Variants in NKAIN2 observed in about 807,000 individuals in gnomAD.
The protein encoded by NKAIN2 is sodium/potassium transporting ATPase interacting 2.
In NKAIN2, 14 loss-of-function variants were observed where a neutral mutation model predicts 32.6. That is an observed-to-expected ratio of 0.43 (90% CI 0.28 to 0.67). The LOEUF is 0.67. Ranked by LOEUF, NKAIN2 falls within the 30% of genes least tolerant of loss-of-function variation. The pLI is 0.17. For synonymous variants in NKAIN2, 80 were observed against 87.2 expected (o/e 0.92, Z 0.46); for missense variants, 198 against 258.3 (o/e 0.77, Z 1.60).
At chr6:124,784,534 A>G (rs924153489) in intron 4 of NKAIN2, among the ~76,000 whole-genome samples, 1 of 152,130 alleles carries the variant, frequency 6.6e-6, no homozygotes, top group African/African-American at 2.4e-5. Context: ...ATGGAAATTC[A>G]TGCAGGCTGT....
chr6:124,369,209 T>C (rs1331592791), intron 3 of NKAIN2, among the ~76,000 whole-genome samples: 1 of 152,182 alleles, frequency 6.6e-6, no homozygotes, highest in Admixed American at 6.5e-5. Flanking sequence ...TATTCTAGGA[T>C]AGTAATTTTT....
intron 1 of NKAIN2, among the ~76,000 whole-genome samples, chr6:124,094,517 A>T (rs1177490410): frequency 6.6e-6 from 1 of 152,178 alleles, no homozygotes; most frequent in Admixed American, 6.5e-5. Context: ...TTTGTTCTTT[A>T]TTAAGACTAA....
intron 2 of NKAIN2, among the ~76,000 whole-genome samples, chr6:124,323,853 T>G (rs939954400): frequency 1.4e-5 from 2 of 144,376 alleles, no homozygotes; most frequent in African/African-American, 5.1e-5. Context: ...AGTGGCACAA[T>G]CTCGGCTCAC....
At chr6:124,677,029 C>T (rs529611157) in intron 4 of NKAIN2, among the ~76,000 whole-genome samples, 21 of 152,116 alleles carry the variant, frequency 1.4e-4, no homozygotes, top group African/African-American at 3.4e-4. Flanking sequence ...AGTCCAGTGG[C>T]GTGATCTCGG....
chr6:123,904,244 AAAAG>A (rs992274853), intron 1 of NKAIN2, among the ~76,000 whole-genome samples: 1 of 152,192 alleles, frequency 6.6e-6, no homozygotes, highest in Non-Finnish European at 1.5e-5. Flanking sequence ...AAAAAAAGAA[AAAAG>A]AAAGAAAAAA....
chr6:124,129,711 G>A (rs1190592934), intron 1 of NKAIN2, among the ~76,000 whole-genome samples: 1 of 151,924 alleles, frequency 6.6e-6, no homozygotes, highest in Non-Finnish European at 1.5e-5. Flanking sequence ...TCTGCCTCCT[G>A]GGTTCAAGAG....
At chr6:123,811,778 C>A (rs981851557) in intron 1 of NKAIN2, among the ~76,000 whole-genome samples, 1 of 152,002 alleles carries the variant, frequency 6.6e-6, no homozygotes. Context: ...CTAGTTAGAA[C>A]AACTAGTTTT....
chr6:124,150,640 G>A (rs1212812894), intron 1 of NKAIN2, among the ~76,000 whole-genome samples: 1 of 152,036 alleles, frequency 6.6e-6, no homozygotes, highest in Non-Finnish European at 1.5e-5. Flanking sequence ...ACTCAATTCT[G>A]TATGAAAATC....
intron 2 of NKAIN2, among the ~76,000 whole-genome samples, chr6:124,322,790 G>T (rs1432127898): frequency 1.3e-5 from 2 of 152,116 alleles, no homozygotes; most frequent in African/African-American, 4.8e-5. Context: ...AGTGTAATTG[G>T]CATATCATAT....
At chr6:124,456,706 C>G (rs1370910229) in intron 3 of NKAIN2, among the ~76,000 whole-genome samples, 1 of 151,852 alleles carries the variant, frequency 6.6e-6, no homozygotes, top group Non-Finnish European at 1.5e-5. Context: ...ACTCCGTGAA[C>G]ATTTTCTTTT....
chr6:124,266,228 T>G (rs780837075), intron 1 of NKAIN2, among the ~76,000 whole-genome samples: 14 of 152,142 alleles, frequency 9.2e-5, no homozygotes, highest in Non-Finnish European at 1.8e-4. Flanking sequence ...ATTTTTGGAG[T>G]ATAATTTATC....
chr6:123,931,596 A>C (rs1488411326), intron 1 of NKAIN2, among the ~76,000 whole-genome samples: 2 of 152,122 alleles, frequency 1.3e-5, no homozygotes, highest in Non-Finnish European at 2.9e-5. Context: ...TTGGATAAAT[A>C]AGAGACTATA....
chr6:123,993,685 T>A (rs1398369517), intron 1 of NKAIN2, among the ~76,000 whole-genome samples: 6 of 151,742 alleles, frequency 4.0e-5, no homozygotes, highest in Non-Finnish European at 5.9e-5. Context: ...AGGGTTACAT[T>A]GCTTATAAAT....
At chr6:124,422,061 T>G (rs1774778310) in intron 3 of NKAIN2, among the ~76,000 whole-genome samples, 1 of 151,906 alleles carries the variant, frequency 6.6e-6, no homozygotes, top group African/African-American at 2.4e-5. Flanking sequence ...GCAAATGAAA[T>G]TGCTTATAGA....
chr6:124,407,738 A>G (rs928053337), intron 3 of NKAIN2, among the ~76,000 whole-genome samples: 5 of 151,704 alleles, frequency 3.3e-5, no homozygotes, highest in Admixed American at 2.0e-4. Context: ...GTCAAATGGT[A>G]CTTCTAGTTC....
intron 3 of NKAIN2, among the ~76,000 whole-genome samples, chr6:124,442,201 T>A (rs907664043): frequency 3.9e-5 from 6 of 152,064 alleles, no homozygotes; most frequent in Admixed American, 3.3e-4. Context: ...TGAGTCAGTC[T>A]AAGTTCTACC....
At chr6:124,365,788 T>TGG (rs1242012470) in intron 3 of NKAIN2, among the ~76,000 whole-genome samples, 1 of 152,090 alleles carries the variant, frequency 6.6e-6, no homozygotes, top group Non-Finnish European at 1.5e-5. Flanking sequence ...AATTTTAGAA[T>TGG]GATTTGCAAT....
At chr6:124,192,991 C>T (rs1449854856) in intron 1 of NKAIN2, among the ~76,000 whole-genome samples, 2 of 152,044 alleles carry the variant, frequency 1.3e-5, no homozygotes, top group Non-Finnish European at 2.9e-5. Flanking sequence ...CCTCGTGATC[C>T]GCTCGCCTTG....
chr6:124,160,168 C>T (rs906107558), intron 1 of NKAIN2, among the ~76,000 whole-genome samples: 3 of 152,036 alleles, frequency 2.0e-5, no homozygotes, highest in South Asian at 2.1e-4. Flanking sequence ...TTGGGTGAGG[C>T]GATCTACAGT....
Sources: allele counts gnomAD v4.1 joint callset (sites outside exome capture counted in the v4.1 genomes callset), GRCh38; gene constraint gnomAD v4.1.1; transcripts MANE v1.5; gene names NCBI Gene and HGNC (gene_info 2026-07-23, HGNC 2026-07-21).